GOSR1: variants seen among roughly 807,000 people sequenced by gnomAD.
GOSR1 encodes the protein 28 kDa Golgi SNARE protein.
GOSR1 carries 21 observed loss-of-function variants against 35.5 expected under a neutral mutation model. That is an observed-to-expected ratio of 0.59 (90% CI 0.42 to 0.85). GOSR1 has a LOEUF of 0.85. Ranked by LOEUF, GOSR1 falls within the 40% of genes least tolerant of loss-of-function variation. GOSR1 has a pLI of 0.00. For synonymous variants in GOSR1, 94 were observed against 106.6 expected, an observed-to-expected ratio of 0.88 and a Z score of 0.73; for missense variants, 285 against 309.6, an observed-to-expected ratio of 0.92 and a Z score of 0.60.
chr17:30,523,311 C>T lies in GOSR1; in HGVS notation c.*933C>T, dbSNP rs552072182. On this transcript the variant is annotated 3_prime_UTR_variant, in exon 9 of 9. Transcript: ENST00000451249. ...TGGGGAGCGCCTCTGCCCCGCCGCCCCGTCTGGGATGTGAGGAGCTCCTCT... is the reference window on the plus strand; with the variant it reads ...TGGGGAGCGCCTCTGCCCCGCCGCCTCGTCTGGGATGTGAGGAGCTCCTCT... The T allele has an allele frequency of 1.1e-5, 2 of 181,098 alleles. No individual in the cohort carries two copies. The highest frequency in any genetic ancestry group is 2.1e-4 in the South Asian group (2 of 9,540). The allele number at this position is 181,098 out of a possible 1,614,324, so 11.2% of individuals were successfully genotyped here. A position where few individuals can be genotyped will look rare whatever the true frequency, so the allele number is the denominator to read the frequency against.
chr17:30,501,038 G>A (rs1056876550), intron 6 of GOSR1, among the ~76,000 whole-genome samples: 4 of 151,914 alleles, frequency 2.6e-5, no homozygotes, highest in Non-Finnish European at 5.9e-5. Context: ...CTGCCACGAC[G>A]CCCGGCTAAT....
In GOSR1 at chr17:30,477,454, T is replaced by A. The variant is rs1315970648; in HGVS notation, c.21T>A (p.Ser7Arg). 7 of 1,607,912 alleles carry A rather than the reference T, an allele frequency of 4.4e-6. No individual in the cohort carries two copies. The highest frequency in any genetic ancestry group is 2.5e-6 in the Non-Finnish European group (3 of 1,176,644). MAAGTS[S>R]YWEDLRKQAR... ...CAAAGATGGCGGCAGGGACCAGCAG[T>A]TACTGGGAAGGTGAGGGCGAGAAGG... is the stretch of plus-strand genomic sequence containing the variant. Residue 7 changes from serine (S) to arginine (R), a missense_variant, in exon 1 of 9, where the codon AGT becomes AGA. Physicochemically the swap from Ser to Arg is moderately radical, Grantham distance 110 (BLOSUM62 -1). Transcript: ENST00000451249.
chr17:30,477,630 G>A, intron 1 of GOSR1, 166 bp downstream of exon 1: 1 of 1,387,148 alleles, frequency 7.2e-7, no homozygotes, highest in South Asian at 1.7e-5. Flanking sequence ...GATACCGAAC[G>A]GTCTGGGGTA....
At chr17:30,509,841 A>T (rs1173910634) in intron 6 of GOSR1, among the ~76,000 whole-genome samples, 1 of 152,250 alleles carries the variant, frequency 6.6e-6, no homozygotes, top group African/African-American at 2.4e-5. Context: ...AGAAATAAAC[A>T]TTAAGATGTA....
intron 2 of GOSR1, among the ~76,000 whole-genome samples, chr17:30,482,047 A>G (rs1170052462): frequency 1.3e-5 from 2 of 151,924 alleles, no homozygotes; most frequent in East Asian, 3.9e-4. Flanking sequence ...AACCCCCATG[A>G]CCCTATCTCC....
chr17:30,515,773 T>A (rs1967785501), intron 7 of GOSR1, among the ~76,000 whole-genome samples: 1 of 152,208 alleles, frequency 6.6e-6, no homozygotes, highest in Admixed American at 6.5e-5. Flanking sequence ...GTTTTAGTTT[T>A]ACCCAGTTAC....
chr17:30,477,923 G>A, intron 1 of GOSR1: 1 of 983,686 alleles, frequency 1.0e-6, no homozygotes, highest in African/African-American at 1.8e-5. Flanking sequence ...CTTGCATTCC[G>A]GTCCGTCGGA....
intron 6 of GOSR1, among the ~76,000 whole-genome samples, chr17:30,499,718 A>C (rs1247786295): frequency 6.6e-6 from 1 of 152,202 alleles, no homozygotes; most frequent in Admixed American, 6.5e-5. Flanking sequence ...ATTTATAAGA[A>C]AGTGTCAAAC....
intron 1 of GOSR1, 26 bp from the exon 2 acceptor site, chr17:30,481,117 T>C (rs200937047): frequency 2.0e-5 from 30 of 1,491,856 alleles, no homozygotes; most frequent in South Asian, 1.6e-4. Context: ...TATGTCTAAT[T>C]ATTTGTTGTT....
At chr17:30,478,839 C>T (rs1240797425) in intron 1 of GOSR1, 1 of 152,120 alleles carries the variant, frequency 6.6e-6, no homozygotes, top group South Asian at 2.1e-4. Context: ...ACAGGTGTGA[C>T]CCACCGCGCC....
intron 6 of GOSR1, among the ~76,000 whole-genome samples, chr17:30,499,719 A>C (rs1967135057): frequency 6.6e-6 from 1 of 152,198 alleles, no homozygotes. Flanking sequence ...TTTATAAGAA[A>C]GTGTCAAACT....
At position 30,477,481 on chromosome 17, in the gene GOSR1, C is replaced by T. The variant is rs1361146431; in HGVS notation, c.31+17C>T. 13 of 1,606,220 alleles carry T rather than the reference C, an allele frequency of 8.1e-6. No individual in the cohort carries two copies. The highest frequency in any genetic ancestry group is 1.1e-5 in the Non-Finnish European group (13 of 1,175,298). ...ACTGGGAAGGTGAGGGCGAGAAGGC[C>T]TCCGGGTGCGTCCTACGAGGGTGAG... is the stretch of plus-strand genomic sequence containing the variant. On this transcript the variant is annotated intron_variant, in intron 1 of 8. Transcript: ENST00000451249.
intron 2 of GOSR1, chr17:30,483,200 T>C (rs1322840650): frequency 1.3e-5 from 2 of 151,874 alleles, no homozygotes; most frequent in Non-Finnish European, 2.9e-5. Context: ...ACCTATAAGA[T>C]GAATTAAATT....
At chr17:30,489,704 C>T (rs560874547) in intron 4 of GOSR1, among the ~76,000 whole-genome samples, 1 of 152,014 alleles carries the variant, frequency 6.6e-6, no homozygotes, top group South Asian at 2.1e-4. Flanking sequence ...TGATTCTGTT[C>T]TTTTTTGTTT....
Position 30,524,249 on chromosome 17 carries a change from CTTATT to C in GOSR1, c.*1875_*1879del. 6.5e-6 allele frequency: 1 copy of C among 152,710 alleles called. No individual in the cohort carries two copies. Among genetic ancestry groups the C allele is most frequent in the East Asian group, 1.9e-4 (1 of 5,216 alleles). The allele number at this position is 152,710 out of a possible 1,614,324, so 9.5% of individuals were successfully genotyped here. A position where few individuals can be genotyped will look rare whatever the true frequency, so the allele number is the denominator to read the frequency against. On this transcript the variant is annotated 3_prime_UTR_variant, in exon 9 of 9. Coordinates refer to ENST00000451249, the MANE Select transcript of GOSR1 (RefSeq NM_001007025.2). ...ATAATATAATAATAATTCTTGTCCTCTTATTTTACACTCATAATGAGAAATCACAA... is the reference window on the plus strand; with the variant it reads ...ATAATATAATAATAATTCTTGTCCTCTTACACTCATAATGAGAAATCACAA...
intron 8 of GOSR1, chr17:30,520,460 T>TAG (rs1967986901): frequency 2.6e-5 from 4 of 153,256 alleles, no homozygotes; most frequent in Non-Finnish European, 5.8e-5. Context: ...AGATGAGCTA[T>TAG]AGCTACTGAT....
At chr17:30,505,361 C>T (rs1967362015) in intron 6 of GOSR1, among the ~76,000 whole-genome samples, 2 of 152,166 alleles carry the variant, frequency 1.3e-5, no homozygotes, top group South Asian at 4.2e-4. Flanking sequence ...GATGGTGCCA[C>T]AGCACTCCAG....
chr17:30,480,453 A>G (rs1041179512), intron 1 of GOSR1, among the ~76,000 whole-genome samples: 2 of 152,214 alleles, frequency 1.3e-5, no homozygotes, highest in Non-Finnish European at 2.9e-5. Context: ...TGGTAAGTTG[A>G]TAATGCTGGT....
At chr17:30,515,294 ATTTTT>A (rs35911853) in intron 7 of GOSR1, among the ~76,000 whole-genome samples, 2 of 139,550 alleles carry the variant, frequency 1.4e-5, no homozygotes, top group African/African-American at 5.3e-5. Context: ...TGCCCAGCTA[ATTTTT>A]TTTTTTTTTT....
Sources: allele counts gnomAD v4.1 joint callset (sites outside exome capture counted in the v4.1 genomes callset), GRCh38; gene constraint gnomAD v4.1.1; transcripts MANE v1.5; gene names NCBI Gene and HGNC (gene_info 2026-07-23, HGNC 2026-07-21).